Variants in ASIC2 observed in about 807,000 individuals in gnomAD.
ASIC2 encodes the protein acid-sensing ion channel 2.
Under a neutral mutation model 57.3 loss-of-function variants are expected in ASIC2, and 25 were observed. That is an observed-to-expected ratio of 0.44 (90% confidence interval 0.32 to 0.61). The LOEUF (loss-of-function observed/expected upper bound fraction) is 0.61, where lower values mean the gene tolerates loss of function less well. Ranked by LOEUF, ASIC2 falls within the 20% of genes least tolerant of loss-of-function variation. The pLI is 0.06. For missense variants in ASIC2, 641 were observed against 738.1 expected (o/e 0.87, Z 1.52); for synonymous variants, 319 against 307.5 (o/e 1.04, Z -0.39).
rs1392781650 is a variant in ASIC2, at chr17:33,524,373, A to T, written c.556-412306T>A. On this transcript the variant is annotated intron_variant, in intron 1 of 9. Transcript: ENST00000359872. ...TGAGAGATTGGCTGACTTGCCCAAG[A>T]TTGCATAGCCAGCAAATTGTGAACC... Among the ~76,000 whole-genome samples, 3 of 152,322 alleles carry T rather than the reference A, an allele frequency of 2.0e-5. 1 individual carries two copies. Among genetic ancestry groups the T allele is most frequent in the South Asian group, 4.1e-4 (2 of 4,828 alleles).
Position 33,845,289 on chromosome 17 carries a change from C to T in ASIC2, c.555+310689G>A, listed in dbSNP as rs769262798. Among the ~76,000 whole-genome samples, 36 of 152,268 alleles carry T rather than the reference C, an allele frequency of 2.4e-4. 1 individual carries two copies. Among genetic ancestry groups the T allele is most frequent in the Non-Finnish European group, 4.0e-4 (27 of 68,022 alleles). Reference sequence around the variant, plus strand: ...AAGACCTTTTTCCATCTCATGGAAACGTACCTCCAAATTTATCATGTATGC... The same window carrying T: ...AAGACCTTTTTCCATCTCATGGAAATGTACCTCCAAATTTATCATGTATGC... On this transcript the variant is annotated intron_variant, in intron 1 of 9. Transcript: ENST00000359872.
chr17:33,598,951 CAGAT>C (rs1427524648), intron 1 of ASIC2, among the ~76,000 whole-genome samples: 9 of 152,182 alleles, frequency 5.9e-5, no homozygotes, highest in African/African-American at 1.7e-4. Flanking sequence ...TTGCTGGAAA[CAGAT>C]AGCACCATTT....
intron 1 of ASIC2, among the ~76,000 whole-genome samples, chr17:34,141,963 C>T (rs17193396): frequency 0.32 from 48,963 of 152,068 alleles, 8,765 homozygotes; most frequent in Middle Eastern, 0.45. Flanking sequence ...ATGTGAATGT[C>T]ACTTGAGCTC....
chr17:33,500,479 G>T (rs1298351210), intron 1 of ASIC2, among the ~76,000 whole-genome samples: 2 of 152,186 alleles, frequency 1.3e-5, no homozygotes, highest in East Asian at 3.9e-4. Flanking sequence ...AGCTGCCATT[G>T]GGTCCATTCC....
chr17:33,107,267 G>A (rs952126444), intron 2 of ASIC2, among the ~76,000 whole-genome samples: 6 of 152,182 alleles, frequency 3.9e-5, no homozygotes, highest in African/African-American at 1.4e-4. Flanking sequence ...TATTCTGTGA[G>A]CTTTTCCATG....
rs529821445 is a variant in ASIC2, at chr17:33,783,399, A to C, written c.555+372579T>G. ...AAATGGAGATAGTGATTGCACTTAC[A>C]TCATTGGTCCTAACAGGGACTAAAG... is the stretch of plus-strand genomic sequence containing the variant. On this transcript the variant is annotated intron_variant, in intron 1 of 9. Transcript: ENST00000359872. Among the ~76,000 whole-genome samples the C allele has an allele frequency of 9.2e-5, 14 of 152,358 alleles. No individual in the cohort carries two copies. The South Asian group carries it at 2.7e-3, about 29-fold the overall frequency.
chr17:33,112,960 C>G (rs370511352), intron 1 of ASIC2: 1 of 152,292 alleles, frequency 6.6e-6, no homozygotes, highest in Admixed American at 6.5e-5. Flanking sequence ...ATTCCTCCTG[C>G]CTTTCACTGT....
intron 1 of ASIC2, among the ~76,000 whole-genome samples, chr17:33,396,503 G>A (rs898841126): frequency 2.0e-5 from 3 of 152,160 alleles, no homozygotes; most frequent in Non-Finnish European, 4.4e-5. Context: ...TAAATTAAGT[G>A]ATTTTCTCAG....
At chr17:33,973,265 G>A (rs1905272983) in intron 1 of ASIC2, among the ~76,000 whole-genome samples, 1 of 152,218 alleles carries the variant, frequency 6.6e-6, no homozygotes, top group Non-Finnish European at 1.5e-5. Context: ...GATGCTAGGA[G>A]CCAAGGATTT....
In ASIC2 at chr17:33,880,690, T is replaced by C. The variant is rs537466024; in HGVS notation, c.555+275288A>G. Among the ~76,000 whole-genome samples, 19 of 152,352 alleles carry C rather than the reference T, an allele frequency of 1.2e-4. No individual in the cohort carries two copies. The South Asian group carries it at 3.9e-3, about 32-fold the overall frequency. ...TTCTACCAGAGGTACAAGGAGGAGC[T>C]GGTACCATTCCTTCTGAAACTACTA... On this transcript the variant is annotated intron_variant, in intron 1 of 9. Transcript: ENST00000359872.
intron 1 of ASIC2, among the ~76,000 whole-genome samples, chr17:33,545,704 A>G (rs1284662274): frequency 6.6e-6 from 1 of 152,140 alleles, no homozygotes; most frequent in Non-Finnish European, 1.5e-5. Flanking sequence ...TTCTCCTTCA[A>G]TCAGTCCTAT....
At chr17:33,334,002 A>G (rs1391496845) in intron 1 of ASIC2, among the ~76,000 whole-genome samples, 1 of 152,222 alleles carries the variant, frequency 6.6e-6, no homozygotes, top group Non-Finnish European at 1.5e-5. Context: ...TGGGGCTGCA[A>G]AATGGATGCA....
intron 1 of ASIC2, among the ~76,000 whole-genome samples, chr17:33,965,104 G>A (rs1409079385): frequency 1.3e-5 from 2 of 152,314 alleles, no homozygotes; most frequent in East Asian, 3.9e-4. Context: ...AAATGAGAAA[G>A]AGGAAAGGAA....
intron 1 of ASIC2, among the ~76,000 whole-genome samples, chr17:33,171,563 C>T (rs1240646680): frequency 6.6e-6 from 1 of 152,216 alleles, no homozygotes; most frequent in Non-Finnish European, 1.5e-5. Context: ...TGTCTGTTAT[C>T]CATTACTCAA....
intron 1 of ASIC2, among the ~76,000 whole-genome samples, chr17:34,135,943 C>T (rs977988400): frequency 4.6e-5 from 7 of 151,970 alleles, no homozygotes; most frequent in Admixed American, 1.3e-4. Flanking sequence ...CTATTGCCTG[C>T]GTCAATCAAA....
At chr17:33,557,209 T>A (rs1194443652) in intron 1 of ASIC2, among the ~76,000 whole-genome samples, 1 of 137,616 alleles carries the variant, frequency 7.3e-6, no homozygotes, top group Non-Finnish European at 1.5e-5. Context: ...TTACAAATGT[T>A]AAGTAACTTA....
At chr17:33,808,787 G>T (rs554697048) in intron 1 of ASIC2, among the ~76,000 whole-genome samples, 1 of 152,288 alleles carries the variant, frequency 6.6e-6, no homozygotes, top group South Asian at 2.1e-4. Flanking sequence ...TACAGATGGA[G>T]GTTTACACAA....
intron 1 of ASIC2, among the ~76,000 whole-genome samples, chr17:33,181,547 C>T (rs941756516): frequency 6.6e-6 from 1 of 152,102 alleles, no homozygotes; most frequent in African/African-American, 2.4e-5. Flanking sequence ...CTTCTGGTGG[C>T]CCCTGACATT....
chr17:33,098,070 C>T (rs952237216), intron 2 of ASIC2, among the ~76,000 whole-genome samples: 5 of 152,196 alleles, frequency 3.3e-5, no homozygotes, highest in African/African-American at 1.2e-4. Flanking sequence ...CGTTAAATTG[C>T]CCCTCTGAGC....
Sources: gnomAD v4.1 joint callset for allele counts (sites outside exome capture counted in the v4.1 genomes callset) on GRCh38, gnomAD v4.1.1 for gene constraint, MANE v1.5 for transcripts, NCBI Gene and HGNC (gene_info 2026-07-23, HGNC 2026-07-21) for gene names.